The following PCDHGA3 variants were observed in gnomAD, a reference collection of about 807,000 sequenced individuals.
The protein encoded by PCDHGA3 is protocadherin gamma subfamily A, 3.
A neutral mutation model predicts 58.5 loss-of-function variants in PCDHGA3; 40 were observed. The ratio of observed to expected loss-of-function variants is 0.68; its 90% CI spans 0.53 to 0.89. PCDHGA3 has a LOEUF of 0.89. PCDHGA3 is among the 40% of genes least tolerant of loss of function. PCDHGA3 has a pLI of 0.00. For synonymous variants in PCDHGA3, 530 were observed against 525.7 expected (o/e 1.01, Z -0.11); for missense variants, 1,223 against 1,195.9 (o/e 1.02, Z -0.33).
At chr5:141,350,243 C>G (rs750200716) in intron 1 of PCDHGA3, 2 of 1,505,416 alleles carry the variant, frequency 1.3e-6, no homozygotes, top group Non-Finnish European at 1.8e-6. Context: ...GAAAGAAGCT[C>G]CGCGGAGAGT....
chr5:141,434,992 C>A (rs2097735368), intron 1 of PCDHGA3, among the ~76,000 whole-genome samples: 1 of 151,902 alleles, frequency 6.6e-6, no homozygotes, highest in Non-Finnish European at 1.5e-5. Context: ...ATATCATTTT[C>A]TAGCTGAATT....
intron 1 of PCDHGA3, among the ~76,000 whole-genome samples, chr5:141,386,638 G>A (rs1376557329): frequency 6.6e-6 from 1 of 151,840 alleles, no homozygotes; most frequent in Non-Finnish European, 1.5e-5. Flanking sequence ...CACCCAGGCT[G>A]GATACATTTT....
chr5:141,370,781 C>T (rs774285137), intron 1 of PCDHGA3: 16 of 1,613,898 alleles, frequency 9.9e-6, no homozygotes, highest in Non-Finnish European at 1.3e-5. Context: ...TTAACGACAA[C>T]CCACCGACCT....
chr5:141,393,937 A>T, intron 1 of PCDHGA3: 1 of 1,613,906 alleles, frequency 6.2e-7, no homozygotes, highest in Non-Finnish European at 8.5e-7. Context: ...CATGACCAAG[A>T]CTCTGGAAAG....
Position 141,413,187 on chromosome 5 carries a change from A to G in PCDHGA3, c.2424+66730A>G, listed in dbSNP as rs778441437. The G allele has an allele frequency of 6.2e-6, 10 of 1,606,328 alleles. No individual in the cohort carries two copies. The African/African-American group carries it at 1.3e-4, about 22-fold the overall frequency. On this transcript the variant is annotated intron_variant, in intron 1 of 3. Transcript: ENST00000253812. Reference sequence around the variant, plus strand: ...GTAACCAGACTACAATGGCCGCTCAAAGGAATCGCTCAAAGGAATCAAAGG... The same window carrying G: ...GTAACCAGACTACAATGGCCGCTCAGAGGAATCGCTCAAAGGAATCAAAGG...
intron 1 of PCDHGA3, chr5:141,377,893 TC>T (rs1774447878): frequency 6.6e-6 from 1 of 152,178 alleles, no homozygotes; most frequent in Admixed American, 6.5e-5. Flanking sequence ...AGGATCCCCC[TC>T]TGTTGCCCAG....
chr5:141,348,328 G>C (rs933861789), intron 1 of PCDHGA3, among the ~76,000 whole-genome samples: 1 of 152,170 alleles, frequency 6.6e-6, no homozygotes, highest in African/African-American at 2.4e-5. Flanking sequence ...GAATTTAAAA[G>C]GCCCATAGCC....
chr5:141,383,179 G>C, intron 1 of PCDHGA3: 1 of 1,614,124 alleles, frequency 6.2e-7, no homozygotes, highest in Non-Finnish European at 8.5e-7. Context: ...AGACCGGGAA[G>C]AGATCTGCGC....
intron 1 of PCDHGA3, among the ~76,000 whole-genome samples, chr5:141,456,765 C>A (rs1468235444): frequency 2.0e-5 from 3 of 151,852 alleles, no homozygotes; most frequent in Non-Finnish European, 2.9e-5. Context: ...GAGTTTGAGA[C>A]CAGCCTGGCC....
chr5:141,408,769 C>A (rs754783489), intron 1 of PCDHGA3: 3 of 1,611,166 alleles, frequency 1.9e-6, no homozygotes, highest in South Asian at 1.1e-5. Flanking sequence ...CCGATGGTGG[C>A]AAATACCCAG....
At chr5:141,462,833 A>G (rs1488609568) in intron 1 of PCDHGA3, among the ~76,000 whole-genome samples, 1 of 152,082 alleles carries the variant, frequency 6.6e-6, no homozygotes, top group Non-Finnish European at 1.5e-5. Flanking sequence ...GACATTGTAA[A>G]TGTTATATTT....
chr5:141,421,207 A>G (rs1318794693), intron 1 of PCDHGA3: 3 of 1,533,934 alleles, frequency 2.0e-6, no homozygotes, highest in Non-Finnish European at 2.6e-6. Context: ...GAAACCGCGG[A>G]ATATCGGCTT....
intron 1 of PCDHGA3, among the ~76,000 whole-genome samples, chr5:141,450,047 C>T (rs2098667027): frequency 2.2e-5 from 3 of 136,836 alleles, no homozygotes; most frequent in African/African-American, 8.5e-5. Flanking sequence ...CACTCTTTCG[C>T]CCAGGCTGGA....
intron 1 of PCDHGA3, chr5:141,388,159 G>A (rs1420782628): frequency 6.8e-7 from 1 of 1,473,814 alleles, no homozygotes; most frequent in African/African-American, 1.4e-5. Context: ...AGGCTAGACA[G>A]GGAGGAGATA....
intron 1 of PCDHGA3, chr5:141,361,013 A>T: frequency 6.2e-7 from 1 of 1,613,268 alleles, no homozygotes; most frequent in Non-Finnish European, 8.5e-7. Flanking sequence ...CACTTTTTCA[A>T]CTTAAATGAA....
At chr5:141,397,725 C>T (rs1292048088) in intron 1 of PCDHGA3, among the ~76,000 whole-genome samples, 1 of 152,180 alleles carries the variant, frequency 6.6e-6, no homozygotes, top group Non-Finnish European at 1.5e-5. Flanking sequence ...ATTTGGAAAA[C>T]AGAGAAAGAT....
At chr5:141,428,836 C>T (rs926107154) in intron 1 of PCDHGA3, 1 of 150,686 alleles carries the variant, frequency 6.6e-6, no homozygotes, top group African/African-American at 2.5e-5. Context: ...ATTTTTGAAA[C>T]ATTTTCACCA....
rs768841675 is a variant in PCDHGA3, at chr5:141,344,365, AG to A, written c.334del (p.Asp112IlefsTer3). ...LCLVKINILV[E>X]DKLKIFEVEI... The stretch of plus-strand genomic sequence containing the variant: ...CTGGTAAAAATTAACATTCTGGTTG[AG>A]GATAAATTGAAAATTTTTGAAGTAG... On this transcript the variant is annotated frameshift_variant, in exon 1 of 4. Transcript: ENST00000253812. LOFTEE classifies it high-confidence loss of function. 1 of 1,613,644 alleles carries A rather than the reference AG, an allele frequency of 6.2e-7. No homozygotes were observed.
intron 1 of PCDHGA3, among the ~76,000 whole-genome samples, chr5:141,492,356 G>A (rs2099739649): frequency 6.6e-6 from 1 of 152,198 alleles, no homozygotes; most frequent in Non-Finnish European, 1.5e-5. Context: ...ACTGCCACTC[G>A]CTCGCGGCCA....
Sources: allele counts gnomAD v4.1 joint callset (sites outside exome capture counted in the v4.1 genomes callset), GRCh38; gene constraint gnomAD v4.1.1; transcripts MANE v1.5; gene names NCBI Gene and HGNC (gene_info 2026-07-23, HGNC 2026-07-21).